Variants in RBFOX1 observed in about 807,000 individuals in gnomAD.
RBFOX1 encodes the protein RNA binding protein fox-1 homolog 1.
A neutral mutation model predicts 57.7 loss-of-function variants in RBFOX1; 8 were observed. That is an observed-to-expected ratio of 0.14 (90% CI 0.08 to 0.25). The LOEUF (loss-of-function observed/expected upper bound fraction) is 0.25. Ranked by LOEUF, RBFOX1 falls within the 10% of genes least tolerant of loss-of-function variation. The pLI is 1.00. For synonymous variants in RBFOX1, 326 were observed against 222.4 expected, an observed-to-expected ratio of 1.47 and a Z score of -4.15; for missense variants, 611 against 548.5, an observed-to-expected ratio of 1.11 and a Z score of -1.14.
intron 1 of RBFOX1, among the ~76,000 whole-genome samples, chr16:6,243,691 T>C (rs1165304483): frequency 6.6e-6 from 1 of 152,118 alleles, no homozygotes; most frequent in Non-Finnish European, 1.5e-5. Flanking sequence ...AGTGCATGGC[T>C]TGGGGATGAG....
intron 1 of RBFOX1, among the ~76,000 whole-genome samples, chr16:6,122,214 T>C (rs975492824): frequency 6.6e-6 from 1 of 152,214 alleles, no homozygotes; most frequent in Non-Finnish European, 1.5e-5. Flanking sequence ...CCCTTTTTGT[T>C]ATTTTTTAAT....
intron 11 of RBFOX1, among the ~76,000 whole-genome samples, chr16:7,640,761 C>G (rs952768810): frequency 2.0e-5 from 3 of 152,166 alleles, no homozygotes; most frequent in African/African-American, 7.2e-5. Context: ...CTGCATTTAA[C>G]TCCTTGACAA....
intron 3 of RBFOX1, among the ~76,000 whole-genome samples, chr16:6,727,122 G>GTA (rs1239030849): frequency 1.9e-3 from 118 of 61,474 alleles, no homozygotes; most frequent in African/African-American, 4.2e-3. Flanking sequence ...ATGTGTGTGT[G>GTA]TGTATATATA....
intron 4 of RBFOX1, among the ~76,000 whole-genome samples, chr16:5,922,696 T>C (rs1157886991): frequency 6.6e-6 from 1 of 152,238 alleles, no homozygotes; most frequent in African/African-American, 2.4e-5. Context: ...CTATTCATTC[T>C]CCTTACCCAG....
intron 3 of RBFOX1, among the ~76,000 whole-genome samples, chr16:5,645,760 G>A (rs991501261): frequency 2.0e-5 from 3 of 152,260 alleles, no homozygotes; most frequent in East Asian, 1.9e-4. Flanking sequence ...CAATCTCCTG[G>A]CCTTAAGCAA....
At chr16:7,648,047 G>A (rs2064111377) in intron 11 of RBFOX1, among the ~76,000 whole-genome samples, 1 of 152,026 alleles carries the variant, frequency 6.6e-6, no homozygotes, top group African/African-American at 2.4e-5. Flanking sequence ...ACACCTGTAG[G>A]CAAATAATAA....
intron 3 of RBFOX1, among the ~76,000 whole-genome samples, chr16:6,993,203 A>G (rs967071169): frequency 6.6e-6 from 1 of 151,138 alleles, no homozygotes; most frequent in East Asian, 2.0e-4. Context: ...GCTGAATGGT[A>G]TTGATAGCTG....
rs570478322 is a variant in RBFOX1, at chr16:5,946,697, A to C, written c.351+79362A>C. 6.6e-6 allele frequency among the ~76,000 whole-genome samples: 1 copy of C among 152,170 alleles called. No individual in the cohort carries two copies. The highest frequency in any genetic ancestry group is 2.4e-5 in the African/African-American group (1 of 41,446). ...ATCTCTGATTTATAACCAGATGGTG[A>C]GAAGGGAAGTACAGGCTTGCTCTGA... On this transcript the variant is annotated intron_variant, in intron 4 of 19. Coordinates refer to the RBFOX1 transcript ENST00000641259. This position sits in a 1 kb window ranked among gnomAD's most constrained non-coding sequence, Gnocchi z 4.6.
At chr16:6,184,307 C>T (rs1247332538) in intron 1 of RBFOX1, among the ~76,000 whole-genome samples, 1 of 152,096 alleles carries the variant, frequency 6.6e-6, no homozygotes, top group African/African-American at 2.4e-5. Context: ...ACATCATGCC[C>T]ATTTAAAATA....
chr16:6,368,348 A>G (rs561810755), intron 2 of RBFOX1, among the ~76,000 whole-genome samples: 3 of 152,254 alleles, frequency 2.0e-5, no homozygotes, highest in African/African-American at 4.8e-5. Context: ...GCAGAACCAG[A>G]TAATGAAATG....
chr16:6,816,110 C>G (rs769119607), intron 3 of RBFOX1, among the ~76,000 whole-genome samples: 2 of 151,988 alleles, frequency 1.3e-5, no homozygotes, highest in Non-Finnish European at 2.9e-5. Context: ...GAGTTCGAGA[C>G]CAGCCTGTGC....
chr16:7,392,854 G>A (rs931505195), intron 4 of RBFOX1, among the ~76,000 whole-genome samples: 5 of 122,988 alleles, frequency 4.1e-5, no homozygotes, highest in Non-Finnish European at 5.1e-5. Context: ...GGTTTGGTTT[G>A]GTTTGTTTGT....
chr16:6,133,388 C>T (rs1356797949), intron 1 of RBFOX1, among the ~76,000 whole-genome samples: 1 of 152,226 alleles, frequency 6.6e-6, no homozygotes, highest in Non-Finnish European at 1.5e-5. Flanking sequence ...GTGGCTGGCA[C>T]TGAACACAGG....
intron 2 of RBFOX1, among the ~76,000 whole-genome samples, chr16:6,615,131 TAC>T (rs1567893066): frequency 1.3e-5 from 2 of 152,208 alleles, no homozygotes; most frequent in Non-Finnish European, 2.9e-5. Context: ...TTGTATAAAA[TAC>T]AGTTTGCAAA....
chr16:5,682,634 A>T (rs908293090), intron 3 of RBFOX1, among the ~76,000 whole-genome samples: 1 of 152,200 alleles, frequency 6.6e-6, no homozygotes, highest in East Asian at 1.9e-4. Flanking sequence ...GAGTTTCATA[A>T]TAGATAAGCA....
chr16:5,844,024 A>G (rs1346756076), intron 3 of RBFOX1, among the ~76,000 whole-genome samples: 1 of 152,194 alleles, frequency 6.6e-6, no homozygotes, highest in Admixed American at 6.5e-5. Context: ...GGTGAATGAG[A>G]AGCTTTGGAA....
chr16:6,505,375 G>A (rs1369886009), intron 2 of RBFOX1, among the ~76,000 whole-genome samples: 1 of 152,128 alleles, frequency 6.6e-6, no homozygotes, highest in Admixed American at 6.6e-5. Flanking sequence ...AGTAAAAATG[G>A]CATTTGGGAA....
Position 6,666,209 on chromosome 16 carries a change from G to A in RBFOX1, c.-16+11559G>A, listed in dbSNP as rs150299492. 2.8e-3 allele frequency among the ~76,000 whole-genome samples: 421 copies of A among 152,230 alleles called. 4 individuals carry two copies. The highest frequency in any genetic ancestry group is 9.3e-3 in the African/African-American group (386 of 41,548). ...TCTCAGGTACATCTGTATCAGCAGC[G>A]TGAAAACAGACTAATACAGGAGGAG... On this transcript the variant is annotated intron_variant, in intron 3 of 15. Transcript: ENST00000550418.
chr16:6,704,645 G>C (rs2062415646), intron 3 of RBFOX1: 1 of 152,594 alleles, frequency 6.6e-6, no homozygotes, highest in Non-Finnish European at 1.5e-5. Flanking sequence ...GACAGAGACA[G>C]GGAGAGAGAG....
Sources: gnomAD v4.1 joint callset for allele counts (sites outside exome capture counted in the v4.1 genomes callset) on GRCh38, gnomAD v4.1.1 for gene constraint, Gnocchi (gnomAD v3.1) non-coding constraint, MANE v1.5 for transcripts, NCBI Gene and HGNC (gene_info 2026-07-23, HGNC 2026-07-21) for gene names.